Variants in TSHZ2 observed in about 807,000 individuals in gnomAD.
TSHZ2 encodes teashirt homolog 2.
Under a neutral mutation model 74.4 loss-of-function variants are expected in TSHZ2, and 21 were observed. The observed-to-expected ratio is 0.28, with a 90% confidence interval of 0.20 to 0.41. TSHZ2 has a LOEUF of 0.41. TSHZ2 is among the 10% of genes least tolerant of loss of function. The probability of loss-of-function intolerance (pLI) is 1.00; values close to 1 mark genes in which losing one functional copy is unlikely to be tolerated. For missense variants in TSHZ2, 1,244 were observed against 1,293.5 expected (o/e 0.96, Z 0.59); for synonymous variants, 540 against 515.3 (o/e 1.05, Z -0.65).
chr20:53,064,220 G>A (rs1984906729), intron 1 of TSHZ2, among the ~76,000 whole-genome samples: 1 of 152,136 alleles, frequency 6.6e-6, no homozygotes, highest in African/African-American at 2.4e-5. Context: ...AACATTAGGA[G>A]ATCTCTGGCT....
chr20:53,253,677 T>A lies in TSHZ2; in HGVS notation c.219T>A (p.His73Gln). The change falls in exon 2 of 3, where the codon CAT (histidine) becomes CAA (glutamine). Residue 73 changes from histidine to glutamine, a missense_variant. This residue lies in a region of TSHZ2 where 470 missense variants were observed against 456.5 expected (regional missense o/e 1.03). Transcript: ENST00000371497. ...CFSYQNSPGS[H>Q]LSNQDAENES... ...GCTACCAGAACTCTCCAGGAAGTCATTTGTCCAATCAGGATGCCGAGAACG... is the reference window on the plus strand; with the variant it reads ...GCTACCAGAACTCTCCAGGAAGTCAATTGTCCAATCAGGATGCCGAGAACG... The A allele has an allele frequency of 6.2e-7, 1 of 1,614,106 alleles. No homozygotes were observed. Among genetic ancestry groups the A allele is most frequent in the South Asian group, 1.1e-5 (1 of 91,074 alleles).
At chr20:53,043,723 T>C (rs1209470068) in intron 1 of TSHZ2, among the ~76,000 whole-genome samples, 1 of 152,118 alleles carries the variant, frequency 6.6e-6, no homozygotes, top group Non-Finnish European at 1.5e-5. Flanking sequence ...GATTTGTATA[T>C]ATTTATCTTT....
At chr20:53,440,412 C>T (rs777742969) in intron 2 of TSHZ2, among the ~76,000 whole-genome samples, 6 of 152,200 alleles carry the variant, frequency 3.9e-5, no homozygotes, top group Admixed American at 2.0e-4. Context: ...ATTTCTGATG[C>T]ATCATTTCAG....
At chr20:53,422,710 C>G (rs186470355) in intron 2 of TSHZ2, among the ~76,000 whole-genome samples, 1 of 152,134 alleles carries the variant, frequency 6.6e-6, no homozygotes, top group Admixed American at 6.5e-5. Flanking sequence ...ATTACAATCT[C>G]GAGTCCAAAA....
At chr20:53,210,383 G>C (rs1012468416) in intron 1 of TSHZ2, among the ~76,000 whole-genome samples, 7 of 152,144 alleles carry the variant, frequency 4.6e-5, no homozygotes, top group African/African-American at 9.7e-5. Context: ...TTTATCGAGC[G>C]GTGGAGGTGG....
chr20:53,240,351 G>T (rs759049782), intron 1 of TSHZ2, among the ~76,000 whole-genome samples: 1 of 152,096 alleles, frequency 6.6e-6, no homozygotes, highest in African/African-American at 2.4e-5. Flanking sequence ...CACTTATTGG[G>T]AAGCAACCAT....
At chr20:53,137,303 T>TTC (rs1987270636) in intron 1 of TSHZ2, among the ~76,000 whole-genome samples, 1 of 151,330 alleles carries the variant, frequency 6.6e-6, no homozygotes, top group Non-Finnish European at 1.5e-5. Flanking sequence ...TTTCTTTTTT[T>TTC]TTTTTTTTTC....
chr20:53,106,391 C>CCT (rs1986366561), intron 1 of TSHZ2, among the ~76,000 whole-genome samples: 1 of 58,938 alleles, frequency 1.7e-5, no homozygotes, highest in Non-Finnish European at 2.9e-5. Flanking sequence ...CTCACACTTT[C>CCT]TTTTTTTTTT....
At chr20:53,143,849 A>G (rs994334093) in intron 1 of TSHZ2, among the ~76,000 whole-genome samples, 1 of 152,144 alleles carries the variant, frequency 6.6e-6, no homozygotes, top group Non-Finnish European at 1.5e-5. Flanking sequence ...GAAATAGTTT[A>G]ATTCACGCAG....
intron 1 of TSHZ2, among the ~76,000 whole-genome samples, chr20:53,047,025 G>A (rs80254878): frequency 0.022 from 3,276 of 152,266 alleles, 95 homozygotes; most frequent in South Asian, 0.14. Context: ...AGGCGTAAGG[G>A]ATCCTGCATG....
intron 2 of TSHZ2, among the ~76,000 whole-genome samples, chr20:53,288,740 A>C (rs771678926): frequency 1.2e-4 from 18 of 152,238 alleles, no homozygotes; most frequent in Non-Finnish European, 2.5e-4. Context: ...GCCTGATGCT[A>C]ATAAGTGCTA....
At chr20:52,987,346 G>A (rs1981806141) in intron 1 of TSHZ2, among the ~76,000 whole-genome samples, 1 of 152,190 alleles carries the variant, frequency 6.6e-6, no homozygotes, top group South Asian at 2.1e-4. Context: ...TGAGGCCCAT[G>A]AATCTGGGAA....
chr20:53,156,350 C>T (rs907434758), intron 1 of TSHZ2, among the ~76,000 whole-genome samples: 9 of 152,184 alleles, frequency 5.9e-5, no homozygotes, highest in Non-Finnish European at 1.0e-4. Context: ...GGAAGGATGG[C>T]AACTCAGTGG....
At chr20:53,177,452 A>G (rs781222049) in intron 1 of TSHZ2, among the ~76,000 whole-genome samples, 1 of 152,174 alleles carries the variant, frequency 6.6e-6, no homozygotes, top group Non-Finnish European at 1.5e-5. Flanking sequence ...CCGAGATTCT[A>G]CATTTCCAAG....
At chr20:53,333,167 C>T (rs1383828219) in intron 2 of TSHZ2, among the ~76,000 whole-genome samples, 2 of 152,178 alleles carry the variant, frequency 1.3e-5, no homozygotes, top group Non-Finnish European at 1.5e-5. Context: ...GTTGTGGATT[C>T]TCATTATTTT....
intron 2 of TSHZ2, among the ~76,000 whole-genome samples, chr20:53,359,995 T>G (rs1161952865): frequency 6.6e-6 from 1 of 152,196 alleles, no homozygotes; most frequent in Non-Finnish European, 1.5e-5. Flanking sequence ...TGAAAGATTA[T>G]CAACTTGGCA....
intron 1 of TSHZ2, among the ~76,000 whole-genome samples, chr20:53,190,977 T>C (rs957112226): frequency 2.0e-5 from 3 of 152,210 alleles, no homozygotes; most frequent in African/African-American, 7.2e-5. Context: ...ACTATTTGCT[T>C]CTGCTAATGA....
chr20:53,087,004 A>G (rs1985719089), intron 1 of TSHZ2, among the ~76,000 whole-genome samples: 1 of 152,184 alleles, frequency 6.6e-6, no homozygotes, highest in South Asian at 2.1e-4. Flanking sequence ...TTCATGCTAG[A>G]TAGGATGGCC....
intron 2 of TSHZ2, among the ~76,000 whole-genome samples, chr20:53,453,378 A>G (rs901000113): frequency 2.6e-5 from 4 of 152,228 alleles, no homozygotes; most frequent in Non-Finnish European, 5.9e-5. Context: ...TGTGCTCTCA[A>G]ATATGTGGTG....
Sources: allele counts gnomAD v4.1 joint callset (sites outside exome capture counted in the v4.1 genomes callset), GRCh38; gene constraint gnomAD v4.1.1; regional missense constraint gnomAD v4.1.1; transcripts MANE v1.5; gene names NCBI Gene and HGNC (gene_info 2026-07-23, HGNC 2026-07-21).